Variants in TAF8 observed in about 807,000 individuals in gnomAD.
TAF8 encodes transcription initiation factor TFIID subunit 8.
In TAF8, 47 loss-of-function variants were observed where a neutral mutation model predicts 36.5. The observed-to-expected ratio is 1.29, with a 90% CI of 1.02 to 1.64. TAF8 has a LOEUF of 1.64. Among genes scored for constraint, TAF8 ranks in the 40% most tolerant of loss-of-function variants. TAF8 has a pLI of 0.00. For missense variants in TAF8, 420 were observed against 407.6 expected, an observed-to-expected ratio of 1.03 and a Z score of -0.26; for synonymous variants, 175 against 159.5, an observed-to-expected ratio of 1.10 and a Z score of -0.73.
chr6:42,053,801 A>G (rs10948010), intron 2 of TAF8, among the ~76,000 whole-genome samples: 26,688 of 152,112 alleles, frequency 0.18, 2,736 homozygotes, highest in Admixed American at 0.29. Flanking sequence ...CCAGGCTACT[A>G]CTTTTTGAAC....
chr6:42,054,964 CTG>C (rs1582214574), intron 2 of TAF8, among the ~76,000 whole-genome samples: 1 of 139,570 alleles, frequency 7.2e-6, no homozygotes, highest in East Asian at 2.2e-4. Context: ...AGTTCTCACT[CTG>C]TCGCCCAGGC....
In TAF8 at chr6:42,078,452, T is replaced by C; in HGVS notation, c.*907T>C. ...AACTTCATTCTTATTTCTCTCCTCA[T>C]CTGGCCTCCCAAGTGCTCCGTTGAG... On this transcript the variant is annotated 3_prime_UTR_variant, in exon 9 of 9. Transcript: ENST00000372977. The C allele has an allele frequency of 2.0e-6, 2 of 985,500 alleles. No individual in the cohort carries two copies. Among genetic ancestry groups the C allele is most frequent in the Non-Finnish European group, 2.4e-6 (2 of 829,952 alleles). The allele number at this position is 985,500 out of a possible 1,614,324, so 61.0% of individuals were successfully genotyped here.
Position 42,057,385 on chromosome 6 carries a change from G to A in TAF8, c.365-4G>A. 1.2e-6 allele frequency: 2 copies of A among 1,614,020 alleles called. No individual in the cohort carries two copies. Among genetic ancestry groups the A allele is most frequent in the African/African-American group, 2.7e-5 (2 of 75,006 alleles). On this transcript the variant is annotated splice_region_variant and splice_polypyrimidine_tract_variant and intron_variant, in intron 4 of 8. Transcript: ENST00000372977. ...AGGGGTAATCAGTTGTGACTCTGTT[G>A]CAGCTCCGGTGACCAATCAGCCAGT...
At chr6:42,054,986 A>G (rs754458243) in intron 2 of TAF8, among the ~76,000 whole-genome samples, 2 of 148,552 alleles carry the variant, frequency 1.3e-5, no homozygotes, top group African/African-American at 2.5e-5. Flanking sequence ...CTGGAGTGCA[A>G]TGGCACAATC....
rs1765900874 is a variant in TAF8, at chr6:42,080,845, A to T, written c.*3300A>T. On this transcript the variant is annotated 3_prime_UTR_variant, in exon 9 of 9. Transcript: ENST00000372977. ...TAGAGGCCAAAAGTAGTAAACATGC[A>T]GATTAAAAATGTTTATGAAAATCTC... The T allele has an allele frequency of 1.0e-6, 1 of 978,030 alleles. No individual in the cohort carries two copies. The highest frequency in any genetic ancestry group is 4.7e-5 in the South Asian group (1 of 21,128). 60.6% of individuals were successfully genotyped at this position (978,030 alleles called of 1,614,324 possible).
chr6:42,075,679 T>C (rs1378120482), intron 7 of TAF8, among the ~76,000 whole-genome samples: 2 of 152,142 alleles, frequency 1.3e-5, no homozygotes, highest in Non-Finnish European at 2.9e-5. Flanking sequence ...TGGAAGAACT[T>C]CTTCCCCTTG....
chr6:42,056,604 C>CTTTTTTTTTTT (rs1764995153), intron 4 of TAF8, among the ~76,000 whole-genome samples: 1 of 151,968 alleles, frequency 6.6e-6, no homozygotes. Flanking sequence ...GGATTTTTTT[C>CTTTTTTTTTTT]TTTTCTTTCT....
Position 42,082,405 on chromosome 6 carries a change from C to T in TAF8, c.*4860C>T, listed in dbSNP as rs1765950769. 2 of 152,248 alleles carry T rather than the reference C, an allele frequency of 1.3e-5. No homozygotes were observed. Among genetic ancestry groups the T allele is most frequent in the African/African-American group, 4.8e-5 (2 of 41,446 alleles). 9.4% of individuals were successfully genotyped at this position (152,248 alleles called of 1,614,324 possible). ...TGGATGGAGTGCAGTGGAGCGATCCCAGCTCACTGCAACTCCTCCACCTCC... is the reference window on the plus strand; with the variant it reads ...TGGATGGAGTGCAGTGGAGCGATCCTAGCTCACTGCAACTCCTCCACCTCC... On this transcript the variant is annotated 3_prime_UTR_variant, in exon 9 of 9. Coordinates refer to ENST00000372977, the MANE Select transcript of TAF8 (RefSeq NM_138572.3).
Position 42,059,983 on chromosome 6 carries a change from G to A in TAF8, c.489+2470G>A, listed in dbSNP as rs188080805. On this transcript the variant is annotated intron_variant, in intron 5 of 8. Transcript: ENST00000372977. The stretch of plus-strand genomic sequence containing the variant: ...GGGAGTGAACCCGAAGGTGAGAAGA[G>A]TGGAACTGGTTTGCAACTGTCTGAG... Among the ~76,000 whole-genome samples the A allele has an allele frequency of 2.6e-5, 4 of 152,300 alleles. No homozygotes were observed. In the East Asian group the frequency reaches 5.8e-4, roughly 22 times the overall value.
intron 5 of TAF8, among the ~76,000 whole-genome samples, chr6:42,062,426 G>C (rs1246880562): frequency 1.3e-5 from 2 of 149,494 alleles, no homozygotes; most frequent in African/African-American, 4.9e-5. Flanking sequence ...TAGCCAACTT[G>C]TTGATACCCA....
rs767933436 is a variant in TAF8, at chr6:42,055,526, C to T, written c.203-5C>T. ...ATAAGTTTTATGCCTTTAATCCCCT[C>T]TTAGACATTTCAGAAATTGGGAGAA... On this transcript the variant is annotated splice_polypyrimidine_tract_variant and splice_region_variant and intron_variant, in intron 2 of 8. Transcript: ENST00000372977. 3.1e-6 allele frequency: 5 copies of T among 1,609,120 alleles called. No homozygotes were observed. The highest frequency in any genetic ancestry group is 3.4e-6 in the Non-Finnish European group (4 of 1,175,572).
chr6:42,085,685 T>C (rs1766014634), downstream of TAF8, among the ~76,000 whole-genome samples: 2 of 150,772 alleles, frequency 1.3e-5, no homozygotes, highest in African/African-American at 2.4e-5. Context: ...AATTAATTAG[T>C]TTAAAAGCCC....
At position 42,080,282 on chromosome 6, in the gene TAF8, T is replaced by C. The variant is rs1765882744; in HGVS notation, c.*2737T>C. 1 of 986,432 alleles carries C rather than the reference T, an allele frequency of 1.0e-6. No individual in the cohort carries two copies. The highest frequency in any genetic ancestry group is 1.2e-6 in the Non-Finnish European group (1 of 830,582). 61.1% of individuals were successfully genotyped at this position (986,432 alleles called of 1,614,324 possible). A position where few individuals can be genotyped will look rare whatever the true frequency, so the allele number is the denominator to read the frequency against. ...TTATCCAGTGTAAGCACCTGTTGAA[T>C]GCAGATGTGCTGAGTTAGAGGTGGG... is the stretch of plus-strand genomic sequence containing the variant. On this transcript the variant is annotated 3_prime_UTR_variant, in exon 9 of 9. Transcript: ENST00000372977.
intron 1 of TAF8, 145 bp from the exon 2 acceptor site, chr6:42,051,212 G>T: frequency 7.8e-7 from 1 of 1,280,744 alleles, no homozygotes; most frequent in Non-Finnish European, 1.0e-6. Flanking sequence ...TTACTCAGTT[G>T]GCCAAGATCT....
chr6:42,050,682 C>G, intron 1 of TAF8, 96 bp downstream of exon 1: 1 of 1,383,972 alleles, frequency 7.2e-7, no homozygotes, highest in Admixed American at 2.7e-5. Flanking sequence ...AGAAATTCAG[C>G]CCCATCATGA....
chr6:42,084,382 C>A (rs1458187059), downstream of TAF8, among the ~76,000 whole-genome samples: 1 of 152,068 alleles, frequency 6.6e-6, no homozygotes. Context: ...CTCATGATAT[C>A]CTAATGAGGT....
chr6:42,078,876 C>T lies in TAF8; in HGVS notation c.*1331C>T. 1.0e-6 allele frequency: 1 copy of T among 981,464 alleles called. No homozygotes were observed. The highest frequency in any genetic ancestry group is 1.2e-6 in the Non-Finnish European group (1 of 826,380). 60.8% of individuals were successfully genotyped at this position (981,464 alleles called of 1,614,324 possible). The stretch of plus-strand genomic sequence containing the variant: ...GTGGCTCACGCCTGTAATCCCAGCA[C>T]TTCGGGAGGCGAAGGCAGGTGGATC... On this transcript the variant is annotated 3_prime_UTR_variant, in exon 9 of 9. Transcript: ENST00000372977.
At chr6:42,076,063 C>T (rs1428570611) in intron 7 of TAF8, among the ~76,000 whole-genome samples, 1 of 152,138 alleles carries the variant, frequency 6.6e-6, no homozygotes, top group Non-Finnish European at 1.5e-5. Context: ...AAAAACTTAG[C>T]GGGATGTGGT....
At position 42,078,844 on chromosome 6, in the gene TAF8, A is replaced by G. The variant is rs1765839042; in HGVS notation, c.*1299A>G. The G allele has an allele frequency of 1.0e-6, 1 of 985,358 alleles. No individual in the cohort carries two copies. Among genetic ancestry groups the G allele is most frequent in the African/African-American group, 1.7e-5 (1 of 57,240 alleles). 61.0% of individuals were successfully genotyped at this position (985,358 alleles called of 1,614,324 possible). On this transcript the variant is annotated 3_prime_UTR_variant, in exon 9 of 9. Coordinates refer to ENST00000372977, the MANE Select transcript of TAF8 (RefSeq NM_138572.3). ...GTTTAAACAGTAGGAAAGAGGGGCT[A>G]CGCGCAGTGGCTCACGCCTGTAATC...
Sources: allele counts gnomAD v4.1 joint callset (sites outside exome capture counted in the v4.1 genomes callset), GRCh38; gene constraint gnomAD v4.1.1; transcripts MANE v1.5; gene names NCBI Gene and HGNC (gene_info 2026-07-23, HGNC 2026-07-21).